CDH20: variants seen among roughly 807,000 people sequenced by gnomAD.
The protein encoded by CDH20 is cadherin-20.
A neutral mutation model predicts 74.2 loss-of-function variants in CDH20; 29 were observed. The ratio of observed to expected loss-of-function variants is 0.39; its 90% CI spans 0.29 to 0.53. The LOEUF (loss-of-function observed/expected upper bound fraction) is 0.53. Ranked by LOEUF, CDH20 falls within the 20% of genes least tolerant of loss-of-function variation. The probability of loss-of-function intolerance (pLI) is 0.69; values close to 1 mark genes in which losing one functional copy is unlikely to be tolerated. For synonymous variants in CDH20, 469 were observed against 405.4 expected (o/e 1.16, Z -1.88); for missense variants, 988 against 1,048.3 (o/e 0.94, Z 0.79).
chr18:61,449,505 G>A (rs1909311675), intron 1 of CDH20, among the ~76,000 whole-genome samples: 1 of 152,002 alleles, frequency 6.6e-6, no homozygotes, highest in East Asian at 1.9e-4. Context: ...CAGCATGTTG[G>A]CATCCGATAG....
chr18:61,429,444 T>G (rs1030984143), intron 1 of CDH20, among the ~76,000 whole-genome samples: 3 of 152,196 alleles, frequency 2.0e-5, no homozygotes, highest in African/African-American at 7.2e-5. Context: ...CTTTCAGCTG[T>G]TTATAACCCC....
chr18:61,487,208 G>A (rs956672681), intron 1 of CDH20, among the ~76,000 whole-genome samples: 1 of 152,106 alleles, frequency 6.6e-6, no homozygotes. Flanking sequence ...ACATGTATCA[G>A]TATCTTCTTT....
chr18:61,440,342 T>C (rs1908987194), intron 1 of CDH20, among the ~76,000 whole-genome samples: 1 of 152,126 alleles, frequency 6.6e-6, no homozygotes, highest in East Asian at 1.9e-4. Context: ...ACCCACAGCC[T>C]GAAGTAGAGG....
At chr18:61,352,033 C>T (rs551578998) in intron 1 of CDH20, among the ~76,000 whole-genome samples, 1 of 152,096 alleles carries the variant, frequency 6.6e-6, no homozygotes, top group Admixed American at 6.5e-5. Context: ...GATCTTTGAC[C>T]TTCATCACTG....
chr18:61,346,406 A>C (rs1360386375), intron 1 of CDH20, among the ~76,000 whole-genome samples: 2 of 152,190 alleles, frequency 1.3e-5, no homozygotes, highest in South Asian at 2.1e-4. Flanking sequence ...ATTTATACCA[A>C]ATTGAAGGCA....
intron 1 of CDH20, among the ~76,000 whole-genome samples, chr18:61,448,326 T>A (rs191727982): frequency 6.6e-6 from 1 of 152,300 alleles, no homozygotes; most frequent in East Asian, 1.9e-4. Context: ...GCTTTCCCCA[T>A]CTATTAGATA....
chr18:61,334,875 A>AT (rs35231360), intron 1 of CDH20, among the ~76,000 whole-genome samples: 66,883 of 151,650 alleles, frequency 0.44, 16,122 homozygotes, highest in East Asian at 0.63. Context: ...ACCAGGAACA[A>AT]TTTTTTTTCT....
intron 1 of CDH20, among the ~76,000 whole-genome samples, chr18:61,462,969 G>A (rs1005447113): frequency 7.2e-5 from 11 of 152,118 alleles, no homozygotes; most frequent in African/African-American, 1.2e-4. Flanking sequence ...TCTAGAAAGC[G>A]TAATTCACAC....
chr18:61,382,533 G>C (rs556169060), intron 1 of CDH20, among the ~76,000 whole-genome samples: 23 of 152,180 alleles, frequency 1.5e-4, no homozygotes, highest in African/African-American at 3.6e-4. Context: ...GTGGTAACAG[G>C]GTTAAGTATC....
At chr18:61,504,553 G>A (rs1040342469) in intron 5 of CDH20, among the ~76,000 whole-genome samples, 1 of 152,146 alleles carries the variant, frequency 6.6e-6, no homozygotes, top group African/African-American at 2.4e-5. Flanking sequence ...CTTAAGGAAA[G>A]TGGAAATATA....
At position 61,527,366 on chromosome 18, in the gene CDH20, A is replaced by ATAGATAGATAGATAG. The variant is rs1555683341; in HGVS notation, c.1018-601_1018-600insTAGATAGATAGATAG. 3.0e-4 allele frequency among the ~76,000 whole-genome samples: 42 copies of ATAGATAGATAGATAG among 142,148 alleles called. 1 individual carries two copies. The highest frequency in any genetic ancestry group is 1.0e-3 in the African/African-American group (39 of 38,898). The allele number at this position is 142,148 out of a possible 152,430, so 93.3% of individuals were successfully genotyped here. The stretch of plus-strand genomic sequence containing the variant: ...TAGGCCTCAGTTGCATGAATATTCT[A>ATAGATAGATAGATAG]ATAGATAGATAGATAGATAGATAGA... On this transcript the variant is annotated intron_variant, in intron 6 of 11. Transcript: ENST00000262717.
At chr18:61,394,693 C>A (rs1013421848) in intron 1 of CDH20, among the ~76,000 whole-genome samples, 7 of 152,132 alleles carry the variant, frequency 4.6e-5, no homozygotes, top group African/African-American at 7.2e-5. Flanking sequence ...AAGGAATATG[C>A]TCACTGCTTT....
chr18:61,410,217 C>T (rs1455494852), intron 1 of CDH20, among the ~76,000 whole-genome samples: 2 of 152,136 alleles, frequency 1.3e-5, no homozygotes, highest in African/African-American at 2.4e-5. Flanking sequence ...ACACAGGTCT[C>T]CTAACATGAG....
chr18:61,382,917 C>A (rs1176352299), intron 1 of CDH20, among the ~76,000 whole-genome samples: 4 of 152,122 alleles, frequency 2.6e-5, no homozygotes, highest in African/African-American at 9.7e-5. Context: ...GGTGAAGGCA[C>A]AGATTGTGAA....
At chr18:61,471,453 T>A (rs1182636993) in intron 1 of CDH20, among the ~76,000 whole-genome samples, 2 of 152,172 alleles carry the variant, frequency 1.3e-5, no homozygotes, top group Non-Finnish European at 2.9e-5. Context: ...TGGAGGAAAT[T>A]AAGTTAATTT....
At chr18:61,475,050 A>C (rs2144390531) in intron 1 of CDH20, among the ~76,000 whole-genome samples, 1 of 152,264 alleles carries the variant, frequency 6.6e-6, no homozygotes, top group Non-Finnish European at 1.5e-5. Flanking sequence ...TCAGTTAAAA[A>C]ATGAGGATCC....
chr18:61,522,862 A>G (rs1912260064), intron 6 of CDH20, among the ~76,000 whole-genome samples: 1 of 152,240 alleles, frequency 6.6e-6, no homozygotes, highest in Admixed American at 6.5e-5. Flanking sequence ...GGCTAGCCAT[A>G]TGCAGAAAAC....
chr18:61,550,694 G>A (rs537435805), intron 11 of CDH20, among the ~76,000 whole-genome samples: 1 of 152,188 alleles, frequency 6.6e-6, no homozygotes, highest in Non-Finnish European at 1.5e-5. Context: ...TGAAATGCAG[G>A]CAGGCTATAT....
chr18:61,484,003 C>G (rs988516854), intron 1 of CDH20, among the ~76,000 whole-genome samples: 6 of 152,172 alleles, frequency 3.9e-5, no homozygotes, highest in Non-Finnish European at 5.9e-5. Flanking sequence ...GCCAAAAAAT[C>G]TTCTTCCTGT....
Sources: allele counts gnomAD v4.1 joint callset (sites outside exome capture counted in the v4.1 genomes callset), GRCh38; gene constraint gnomAD v4.1.1; transcripts MANE v1.5; gene names NCBI Gene and HGNC (gene_info 2026-07-23, HGNC 2026-07-21).